The following ADAMTS20 variants were observed in gnomAD, a reference collection of about 807,000 sequenced individuals.
The protein encoded by ADAMTS20 is ADAM metallopeptidase with thrombospondin type 1 motif 20, also known as A disintegrin and metalloproteinase with thrombospondin motifs 20.
ADAMTS20 carries 225 observed loss-of-function variants against 260.1 expected under a neutral mutation model. The observed-to-expected ratio is 0.87, with a 90% CI of 0.78 to 0.97. ADAMTS20 has a LOEUF of 0.97. Among genes scored for constraint, ADAMTS20 ranks in the 50% least tolerant of loss-of-function variants. ADAMTS20 has a pLI of 0.00. For missense variants in ADAMTS20, 2,400 were observed against 2,337.7 expected (o/e 1.03, Z -0.55); for synonymous variants, 802 against 769.5 (o/e 1.04, Z -0.70).
chr12:43,368,356 C>T (rs1033358177), intron 37 of ADAMTS20, among the ~76,000 whole-genome samples: 5 of 152,038 alleles, frequency 3.3e-5, no homozygotes, highest in South Asian at 2.1e-4. Flanking sequence ...CACCACTTTC[C>T]GTTTGAGTTT....
intron 31 of ADAMTS20, among the ~76,000 whole-genome samples, chr12:43,378,388 T>C (rs1438413804): frequency 6.6e-6 from 1 of 152,190 alleles, no homozygotes; most frequent in Admixed American, 6.5e-5. Flanking sequence ...GAAGTTACTT[T>C]CTCTAATGAT....
Position 43,434,143 on chromosome 12 carries a change from G to A in ADAMTS20, c.2720+102C>T, listed in dbSNP as rs993654172. On this transcript the variant is annotated intron_variant, in intron 19 of 38. Coordinates refer to ENST00000389420, the MANE Select transcript of ADAMTS20 (RefSeq NM_025003.5). The stretch of plus-strand genomic sequence containing the variant: ...ATTTTTTCATGGCATGGCAGATGAT[G>A]AGTAATAATTGCATGTCCATGCTGT... 7.4e-6 allele frequency: 9 copies of A among 1,221,726 alleles called. No individual in the cohort carries two copies. The East Asian group carries it at 2.3e-4, about 32-fold the overall frequency. 75.7% of individuals were successfully genotyped at this position (1,221,726 alleles called of 1,614,324 possible).
At position 43,433,729 on chromosome 12, in the gene ADAMTS20, C is replaced by T. The variant is rs201917677; in HGVS notation, c.2720+516G>A. The T allele has an allele frequency of 1.6e-3, 739 of 448,504 alleles. 7 individuals carry two copies. The highest frequency in any genetic ancestry group is 0.016 in the East Asian group (240 of 14,732). 27.8% of individuals were successfully genotyped at this position (448,504 alleles called of 1,614,324 possible). A position where few individuals can be genotyped will look rare whatever the true frequency, so the allele number is the denominator to read the frequency against. ...ACACACACACACACACACACACACA[C>T]ACACACACACACAAACCAAATAACA... On this transcript the variant is annotated intron_variant, in intron 19 of 38. Coordinates refer to ENST00000389420, the MANE Select transcript of ADAMTS20 (RefSeq NM_025003.5).
intron 28 of ADAMTS20, among the ~76,000 whole-genome samples, chr12:43,422,394 A>C (rs1714007728): frequency 6.6e-6 from 1 of 152,028 alleles, no homozygotes; most frequent in Admixed American, 6.5e-5. Flanking sequence ...CTAATATGCT[A>C]ATAAGCTATT....
At chr12:43,415,091 G>A (rs1399512479) in intron 28 of ADAMTS20, among the ~76,000 whole-genome samples, 1 of 152,156 alleles carries the variant, frequency 6.6e-6, no homozygotes, top group East Asian at 1.9e-4. Context: ...TGAGTCTCAA[G>A]TACAGTATCC....
In ADAMTS20 at chr12:43,550,924, GC is replaced by G; in HGVS notation, c.437del (p.Ser146ThrfsTer6). Reference protein sequence around the residue: ...NSQEDYKAVVSLCGGLTGTFK... With the variant: ...NSQEDYKAVVXLCGGLTGTFK... ...GGACACTCACCAGGCCTCCGCATAA[GC>G]TGACGACGGCCTTGTAATCCTCCTG... On this transcript the variant is annotated frameshift_variant, in exon 2 of 39. Transcript: ENST00000389420. LOFTEE classifies it high-confidence loss of function. The G allele has an allele frequency of 6.4e-7, 1 of 1,568,956 alleles. No individual in the cohort carries two copies.
intron 3 of ADAMTS20, among the ~76,000 whole-genome samples, chr12:43,519,034 T>C (rs1020433716): frequency 4.6e-5 from 7 of 152,028 alleles, no homozygotes; most frequent in African/African-American, 1.7e-4. Context: ...CTTTTGCTTG[T>C]TCCCCTAGTT....
chr12:43,492,540 G>A lies in ADAMTS20; in HGVS notation c.1041C>T (p.His347=). The part of the protein sequence containing the change: ...QQTQNDLDDV[H]PSHHDTAVLI... ...GAACAGCAGTGTCATGGTGGGAAGG[G>A]TGAACATCATCAAGGTCATTCTGAG... The change falls in exon 6 of 39, where the codon CAC becomes CAT. Residue 347 remains histidine (H), a synonymous_variant. Transcript: ENST00000389420. 6.2e-7 allele frequency: 1 copy of A among 1,613,804 alleles called. No homozygotes were observed. Among genetic ancestry groups the A allele is most frequent in the South Asian group, 1.1e-5 (1 of 91,066 alleles).
At chr12:43,377,799 T>C (rs201834158) in intron 31 of ADAMTS20, among the ~76,000 whole-genome samples, 1 of 138,746 alleles carries the variant, frequency 7.2e-6, no homozygotes, top group Admixed American at 6.9e-5. Context: ...TGCCTGTGTG[T>C]GCGTGTGTGT....
chr12:43,500,034 CTT>C (rs10706892), intron 4 of ADAMTS20, among the ~76,000 whole-genome samples: 97 of 147,612 alleles, frequency 6.6e-4, no homozygotes, highest in East Asian at 3.8e-3. Context: ...TTCCTTATTG[CTT>C]TTTTTTTTTT....
chr12:43,395,097 A>C (rs1204135856), intron 29 of ADAMTS20, among the ~76,000 whole-genome samples: 1 of 152,160 alleles, frequency 6.6e-6, no homozygotes, highest in Non-Finnish European at 1.5e-5. Context: ...AAGATGATAA[A>C]GGAGGAGCAT....
intron 7 of ADAMTS20, among the ~76,000 whole-genome samples, chr12:43,471,343 G>C (rs1388482831): frequency 1.5e-4 from 22 of 147,922 alleles, no homozygotes; most frequent in African/African-American, 4.2e-4. Context: ...CTACGCCCAC[G>C]GAGTCTCGCT....
chr12:43,359,931 G>A (rs1302776167), intron 37 of ADAMTS20, among the ~76,000 whole-genome samples: 1 of 152,094 alleles, frequency 6.6e-6, no homozygotes, highest in Non-Finnish European at 1.5e-5. Flanking sequence ...AGTAATTTGA[G>A]TTTAATGATT....
intron 6 of ADAMTS20, 71 bp downstream of exon 6, chr12:43,492,434 A>C: frequency 2.0e-6 from 3 of 1,482,730 alleles, no homozygotes; most frequent in Non-Finnish European, 2.7e-6. Context: ...AAAAGAATTA[A>C]GAAGAAGTAT....
intron 28 of ADAMTS20, 54 bp downstream of exon 28, chr12:43,425,460 C>G: frequency 7.4e-7 from 1 of 1,358,486 alleles, no homozygotes; most frequent in East Asian, 2.7e-5. Context: ...CTCTCCCTCA[C>G]TCAGACTCAA....
intron 15 of ADAMTS20, 116 bp from the exon 16 acceptor site, chr12:43,443,999 T>A: frequency 2.7e-6 from 2 of 734,004 alleles, no homozygotes; most frequent in Non-Finnish European, 4.6e-6. Flanking sequence ...TTGTTGTGTC[T>A]TTACAAAATT....
intron 3 of ADAMTS20, among the ~76,000 whole-genome samples, chr12:43,508,945 T>C (rs1592103055): frequency 6.6e-6 from 1 of 152,114 alleles, no homozygotes; most frequent in East Asian, 1.9e-4. Flanking sequence ...GTTTTTCCCC[T>C]CCCTGTGTCC....
intron 36 of ADAMTS20, among the ~76,000 whole-genome samples, chr12:43,370,843 G>C (rs570750976): frequency 3.3e-5 from 5 of 152,182 alleles, no homozygotes; most frequent in African/African-American, 9.6e-5. Flanking sequence ...AGAAAATCCT[G>C]TAGTGTCTAC....
intron 11 of ADAMTS20, among the ~76,000 whole-genome samples, chr12:43,462,497 T>G (rs1942080796): frequency 6.6e-6 from 1 of 152,190 alleles, no homozygotes; most frequent in South Asian, 2.1e-4. Flanking sequence ...AGAAGCCACT[T>G]AAAACTTTCA....
Sources: gnomAD v4.1 joint callset for allele counts (sites outside exome capture counted in the v4.1 genomes callset) on GRCh38, gnomAD v4.1.1 for gene constraint, MANE v1.5 for transcripts, NCBI Gene and HGNC (gene_info 2026-07-23, HGNC 2026-07-21) for gene names.